DGKD: variants seen among roughly 807,000 people sequenced by gnomAD.
The protein encoded by DGKD is DAG kinase delta.
DGKD carries 68 observed loss-of-function variants against 154.4 expected under a neutral mutation model. That is an observed-to-expected ratio of 0.44 (90% CI 0.36 to 0.54). The LOEUF (loss-of-function observed/expected upper bound fraction) is 0.54, where lower values mean the gene tolerates loss of function less well. Among genes scored for constraint, DGKD ranks in the 20% least tolerant of loss-of-function variants. The pLI, the probability that DGKD is intolerant of heterozygous loss-of-function variation, is 0.00. For missense variants in DGKD, 1,343 were observed against 1,593.6 expected (o/e 0.84, Z 2.68); for synonymous variants, 693 against 638.0 (o/e 1.09, Z -1.30).
chr2:233,428,874 T>TTTTG (rs1553634464), intron 3 of DGKD, among the ~76,000 whole-genome samples: 2 of 151,630 alleles, frequency 1.3e-5, no homozygotes, highest in African/African-American at 4.9e-5. Flanking sequence ...GAGGTTTTTT[T>TTTTG]TTGTTGTTGT....
chr2:233,358,312 T>C (rs1246479318), intron 1 of DGKD, among the ~76,000 whole-genome samples: 1 of 152,224 alleles, frequency 6.6e-6, no homozygotes, highest in Admixed American at 6.5e-5. Context: ...TTCTAGAAAG[T>C]TAACATTTTT....
chr2:233,418,613 T>C (rs1281796780), intron 3 of DGKD, among the ~76,000 whole-genome samples: 3 of 152,232 alleles, frequency 2.0e-5, no homozygotes, highest in Non-Finnish European at 4.4e-5. Context: ...CTTTGCTCCA[T>C]ACCTGGGCTT....
intron 16 of DGKD, among the ~76,000 whole-genome samples, 193 bp from the exon 17 acceptor site, chr2:233,450,729 A>G (rs72980361): frequency 0.11 from 17,018 of 151,934 alleles, 1,085 homozygotes; most frequent in African/African-American, 0.16. Context: ...CCTCTCCATG[A>G]GCCCAGCCCC....
At chr2:233,419,456 G>A in intron 3 of DGKD, 1 of 985,440 alleles carries the variant, frequency 1.0e-6, no homozygotes, top group Non-Finnish European at 1.2e-6. Flanking sequence ...CCATCATACT[G>A]GGAGGCTGTT....
chr2:233,450,995 C>T lies in DGKD; in HGVS notation c.2112C>T (p.Pro704=). 6.2e-7 allele frequency: 1 copy of T among 1,612,546 alleles called. No homozygotes were observed. Among genetic ancestry groups the T allele is most frequent in the South Asian group, 1.1e-5 (1 of 91,068 alleles). The change falls in exon 17 of 30, where the codon CCC becomes CCT. Residue 704 remains proline (P), a synonymous_variant. Transcript: ENST00000264057. ...TAGGCAGTTCTGCTTCCCTTCCGCC[C>T]CAGCCGGGAAGCCGGGACGGCCTGC... is the stretch of plus-strand genomic sequence containing the variant. ...LSLGSSASLP[P]QPGSRDGLPA... is the part of the protein sequence containing the mutation.
At position 233,440,050 on chromosome 2, in the gene DGKD, C is replaced by T. The variant is rs937818257; in HGVS notation, c.1085+1671C>T. The stretch of plus-strand genomic sequence containing the variant: ...GTTACACAGCTGAACTCGAGAATAA[C>T]GAAATATTCATTTTGGTGTGCAAGC... On this transcript the variant is annotated intron_variant, in intron 9 of 29. Coordinates refer to ENST00000264057, the MANE Select transcript of DGKD (RefSeq NM_152879.3). This position sits in a 1 kb window ranked among gnomAD's most constrained non-coding sequence, Gnocchi z 4.9. 3.3e-5 allele frequency among the ~76,000 whole-genome samples: 5 copies of T among 152,056 alleles called. No homozygotes were observed. The highest frequency in any genetic ancestry group is 3.8e-4 in the East Asian group (2 of 5,198).
intron 1 of DGKD, among the ~76,000 whole-genome samples, chr2:233,371,214 T>G (rs1165201029): frequency 1.3e-5 from 2 of 152,120 alleles, no homozygotes; most frequent in African/African-American, 4.8e-5. Flanking sequence ...CCAACTCTTG[T>G]TACTTTCCAC....
intron 26 of DGKD, among the ~76,000 whole-genome samples, chr2:233,463,311 C>T (rs1157871885): frequency 1.3e-5 from 2 of 151,716 alleles, no homozygotes; most frequent in Non-Finnish European, 2.9e-5. Context: ...TCACTCCACA[C>T]ATCACCTCAC....
At chr2:233,386,325 T>C (rs1703177248) in intron 1 of DGKD, 1 of 251,588 alleles carries the variant, frequency 4.0e-6, no homozygotes, top group South Asian at 4.2e-5. Context: ...GATGGCATTG[T>C]TCTGTGCAGA....
intron 3 of DGKD, among the ~76,000 whole-genome samples, chr2:233,426,650 T>C (rs1243362693): frequency 6.6e-6 from 1 of 152,224 alleles, no homozygotes; most frequent in East Asian, 1.9e-4. Context: ...TGTATGAGTA[T>C]ACTACAGTGT....
At chr2:233,376,348 T>G (rs1574997888) in intron 1 of DGKD, among the ~76,000 whole-genome samples, 1 of 152,250 alleles carries the variant, frequency 6.6e-6, no homozygotes. Context: ...GATCTGGGTC[T>G]GAAGTCCACA....
chr2:233,471,305 C>T lies in DGKD; in HGVS notation c.*1845C>T, dbSNP rs974530694. 39 of 152,410 alleles carry T rather than the reference C, an allele frequency of 2.6e-4. No homozygotes were observed. The highest frequency in any genetic ancestry group is 9.2e-4 in the African/African-American group (38 of 41,478). 9.4% of individuals were successfully genotyped at this position (152,410 alleles called of 1,614,324 possible). On this transcript the variant is annotated 3_prime_UTR_variant, in exon 30 of 30. Coordinates refer to ENST00000264057, the MANE Select transcript of DGKD (RefSeq NM_152879.3). ...TGGGTGGAAGGTGGTTGTATGTTACCTTTTCCACCTCTCATTGTTTTCCCC... is the reference window on the plus strand; with the variant it reads ...TGGGTGGAAGGTGGTTGTATGTTACTTTTTCCACCTCTCATTGTTTTCCCC...
chr2:233,409,504 C>G (rs1219616787), intron 3 of DGKD, among the ~76,000 whole-genome samples: 1 of 149,614 alleles, frequency 6.7e-6, no homozygotes, highest in East Asian at 1.9e-4. Context: ...TTCCGTCTGT[C>G]TGGTTTTTTT....
rs2063572713 is a variant in DGKD, at chr2:233,459,953, G to A, written c.2829+62G>A. 1 of 1,559,060 alleles carries A rather than the reference G, an allele frequency of 6.4e-7. No homozygotes were observed. Among genetic ancestry groups the A allele is most frequent in the African/African-American group, 1.4e-5 (1 of 72,324 alleles). The stretch of plus-strand genomic sequence containing the variant: ...AGGGCTCACCTGTGGGCTCTTGTGT[G>A]CACTGTTAAGAGCTGGAGCTTTTTG... On this transcript the variant is annotated intron_variant, in intron 23 of 29. Transcript: ENST00000264057. This position sits in a 1 kb window ranked among gnomAD's most constrained non-coding sequence, Gnocchi z 5.7.
chr2:233,382,198 C>G (rs1702939030), intron 1 of DGKD, among the ~76,000 whole-genome samples: 1 of 152,196 alleles, frequency 6.6e-6, no homozygotes, highest in Non-Finnish European at 1.5e-5. Context: ...TGTGGCACTG[C>G]ACTCCAGCCT....
At chr2:233,435,716 C>T (rs942198228) in intron 5 of DGKD, 102 bp from the exon 6 acceptor site, 3 of 1,080,712 alleles carry the variant, frequency 2.8e-6, no homozygotes, top group Admixed American at 3.1e-5. Context: ...TTGGTTCCTT[C>T]CTTGACTTTT....
At chr2:233,367,736 T>C (rs2125390634) in intron 1 of DGKD, among the ~76,000 whole-genome samples, 1 of 152,314 alleles carries the variant, frequency 6.6e-6, no homozygotes, top group South Asian at 2.1e-4. Flanking sequence ...TATGGAATGC[T>C]CTGTGCTCTA....
intron 1 of DGKD, among the ~76,000 whole-genome samples, chr2:233,360,643 G>A (rs1170862077): frequency 6.6e-6 from 1 of 152,128 alleles, no homozygotes; most frequent in Non-Finnish European, 1.5e-5. Flanking sequence ...CCTGCTTCAG[G>A]CTTCTGAGTA....
chr2:233,395,404 A>G (rs533365368), intron 3 of DGKD, among the ~76,000 whole-genome samples: 56 of 151,902 alleles, frequency 3.7e-4, no homozygotes, highest in Non-Finnish European at 5.1e-4. Context: ...TTTGGGGTGC[A>G]AGTAGTCCAC....
Sources: gnomAD v4.1 joint callset for allele counts (sites outside exome capture counted in the v4.1 genomes callset) on GRCh38, gnomAD v4.1.1 for gene constraint, Gnocchi (gnomAD v3.1) non-coding constraint, MANE v1.5 for transcripts, NCBI Gene and HGNC (gene_info 2026-07-23, HGNC 2026-07-21) for gene names.